The following CGNL1 variants were observed in gnomAD, a reference collection of about 807,000 sequenced individuals.
CGNL1 encodes cingulin-like protein 1.
A neutral mutation model predicts 141.2 loss-of-function variants in CGNL1; 132 were observed. The observed-to-expected ratio is 0.93, with a 90% CI of 0.81 to 1.08. The LOEUF is 1.08. Among genes scored for constraint, CGNL1 ranks in the 50% least tolerant of loss-of-function variants. The probability of loss-of-function intolerance (pLI) is 0.00; values close to 1 mark genes in which losing one functional copy is unlikely to be tolerated. For missense variants in CGNL1, 1,870 were observed against 1,588.6 expected (o/e 1.18, Z -3.01); for synonymous variants, 690 against 622.1 (o/e 1.11, Z -1.63).
rs755408452 is a variant in CGNL1 at position 57,453,818 on chromosome 15, G to C, written c.2190G>C (p.Glu730Asp). 1.1e-4 allele frequency: 185 copies of C among 1,613,034 alleles called. 2 individuals are homozygous for C. Among genetic ancestry groups the C allele is most frequent in the Middle Eastern group, 1.7e-4 (1 of 5,750 alleles). The change falls in exon 7 of 19, where the codon GAG becomes GAC. Residue 730 changes from glutamate (E) to aspartate (D), a missense_variant and splice_region_variant. Glu to Asp is a conservative substitution (Grantham distance 45). Coordinates refer to ENST00000281282, the MANE Select transcript of CGNL1 (RefSeq NM_032866.5). ...SEDREKGALI[E>D]ELLQAKQDLQ... The stretch of plus-strand genomic sequence containing the variant: ...ACAGGGAGAAGGGAGCTCTGATTGA[G>C]GTAAGCAGGGCTGTGGGGTCAGGTG...
At chr15:57,531,625 G>A in intron 13 of CGNL1, 65 bp from the exon 14 acceptor site, 1 of 1,001,434 alleles carries the variant, frequency 1.0e-6, no homozygotes, top group Non-Finnish European at 1.6e-6. Context: ...CTCTGTGGGG[G>A]AGCCTTTGCT....
chr15:57,484,403 T>C (rs553255798), intron 8 of CGNL1, among the ~76,000 whole-genome samples: 9 of 152,228 alleles, frequency 5.9e-5, no homozygotes, highest in Non-Finnish European at 1.2e-4. Context: ...TGTTTATAGA[T>C]GTCTGCAGGG....
chr15:57,511,472 G>A (rs2030299930), intron 8 of CGNL1, among the ~76,000 whole-genome samples: 1 of 152,164 alleles, frequency 6.6e-6, no homozygotes, highest in South Asian at 2.1e-4. Context: ...CACACATATG[G>A]GATAAAATGA....
intron 8 of CGNL1, among the ~76,000 whole-genome samples, chr15:57,516,307 C>G (rs887927543): frequency 4.6e-5 from 7 of 152,028 alleles, no homozygotes; most frequent in African/African-American, 1.7e-4. Context: ...TGATCTTGGA[C>G]AAGTTACTTA....
chr15:57,469,107 G>A (rs951677037), intron 8 of CGNL1, among the ~76,000 whole-genome samples: 9 of 152,116 alleles, frequency 5.9e-5, no homozygotes, highest in African/African-American at 2.2e-4. Context: ...TGGTGGTGGT[G>A]TGACCTGAGG....
Position 57,452,173 on chromosome 15 carries a change from G to C in CGNL1, c.1938G>C (p.Arg646Ser). 4 of 1,613,616 alleles carry C rather than the reference G, an allele frequency of 2.5e-6. No individual in the cohort carries two copies. Among genetic ancestry groups the C allele is most frequent in the Non-Finnish European group, 3.4e-6 (4 of 1,179,808 alleles). The change falls in exon 6 of 19, where the codon AGG (arginine) becomes AGC (serine). Residue 646 changes from arginine to serine, a missense_variant. Transcript: ENST00000281282. Reference sequence around the variant, plus strand: ...AGAACATTAAAGAAGAGAGAGAGAGGATGAGAGCAAACCTAGAAGAGCTCC... The same window carrying C: ...AGAACATTAAAGAAGAGAGAGAGAGCATGAGAGCAAACCTAGAAGAGCTCC... ...NQQNIKEERE[R>S]MRANLEELRS...
At chr15:57,389,329 C>A (rs1321077183) in intron 1 of CGNL1, among the ~76,000 whole-genome samples, 1 of 152,160 alleles carries the variant, frequency 6.6e-6, no homozygotes, top group African/African-American at 2.4e-5. Context: ...CCTGTAGTTT[C>A]CAACTGTCTT....
chr15:57,468,241 T>C (rs1235935579), intron 8 of CGNL1, among the ~76,000 whole-genome samples: 255 of 94,436 alleles, frequency 2.7e-3, no homozygotes, highest in South Asian at 0.019. Context: ...TTTCTTTTTT[T>C]TTTTTTTTTT....
intron 1 of CGNL1, among the ~76,000 whole-genome samples, chr15:57,431,515 A>G (rs2152296509): frequency 6.6e-6 from 1 of 152,254 alleles, no homozygotes; most frequent in South Asian, 2.1e-4. Context: ...CTGATCTTTC[A>G]ATTTCATCTG....
chr15:57,523,794 A>G (rs1282828839), intron 11 of CGNL1, among the ~76,000 whole-genome samples, 153 bp downstream of exon 11: 1 of 152,200 alleles, frequency 6.6e-6, no homozygotes, highest in Non-Finnish European at 1.5e-5. Flanking sequence ...AGCTCTTTGG[A>G]TTTGTTGAAA....
At chr15:57,456,614 T>G (rs1441565593) in intron 7 of CGNL1, among the ~76,000 whole-genome samples, 1 of 151,968 alleles carries the variant, frequency 6.6e-6, no homozygotes, top group African/African-American at 2.4e-5. Context: ...CTTAGTTAAA[T>G]AGATGATTCT....
intron 1 of CGNL1, among the ~76,000 whole-genome samples, chr15:57,418,753 G>A (rs780706060): frequency 1.7e-4 from 26 of 152,274 alleles, no homozygotes; most frequent in Non-Finnish European, 2.9e-4. Context: ...GTTCTTCCTG[G>A]CAGAAGAAGA....
intron 8 of CGNL1, among the ~76,000 whole-genome samples, chr15:57,507,094 T>C (rs550716467): frequency 6.6e-6 from 1 of 152,312 alleles, no homozygotes; most frequent in Admixed American, 6.5e-5. Context: ...CTTTCCCTCA[T>C]CCTTTGTCAA....
chr15:57,468,509 G>A (rs1165966249), intron 8 of CGNL1, among the ~76,000 whole-genome samples: 1 of 151,398 alleles, frequency 6.6e-6, no homozygotes, highest in Non-Finnish European at 1.5e-5. Flanking sequence ...TGGGGTTATA[G>A]GTGTGACCCA....
intron 1 of CGNL1, among the ~76,000 whole-genome samples, chr15:57,429,169 A>T (rs1351347318): frequency 2.6e-5 from 4 of 152,200 alleles, no homozygotes; most frequent in Non-Finnish European, 5.9e-5. Flanking sequence ...ACCTGAGCAT[A>T]AGGTATGCCC....
intron 1 of CGNL1, among the ~76,000 whole-genome samples, chr15:57,389,845 C>A (rs1261726331): frequency 6.6e-6 from 1 of 151,800 alleles, no homozygotes; most frequent in Admixed American, 6.6e-5. Flanking sequence ...GATGGAGTCT[C>A]ACTCTGTTGC....
intron 7 of CGNL1, 124 bp downstream of exon 7, chr15:57,453,942 T>A: frequency 9.1e-7 from 1 of 1,102,748 alleles, no homozygotes; most frequent in Non-Finnish European, 1.3e-6. Flanking sequence ...TGTGCTCTTA[T>A]GATCTGTGAG....
chr15:57,498,070 C>G (rs2063967594), intron 8 of CGNL1, among the ~76,000 whole-genome samples: 1 of 152,240 alleles, frequency 6.6e-6, no homozygotes, highest in African/African-American at 2.4e-5. Context: ...TCCCTTCCCT[C>G]TGTGTGTGGC....
rs572843863 is a variant in CGNL1 at position 57,438,453 on chromosome 15, T to C, written c.454T>C (p.Leu152=). 9.3e-6 allele frequency: 15 copies of C among 1,614,162 alleles called. No individual in the cohort carries two copies. The African/African-American group carries it at 1.5e-4, about 16-fold the overall frequency. Residue 152 remains leucine (L), a synonymous_variant, in exon 2 of 19, where the codon TTG becomes CTG. Coordinates refer to ENST00000281282, the MANE Select transcript of CGNL1 (RefSeq NM_032866.5). ...GAACTTTCAGAGGCATCCAGAGCTT[T>C]TGCAACCCTATGACCCTGAAAAGAA... ...LLNFQRHPEL[L]QPYDPEKNEL...
Sources: gnomAD v4.1 joint callset for allele counts (sites outside exome capture counted in the v4.1 genomes callset) on GRCh38, gnomAD v4.1.1 for gene constraint, MANE v1.5 for transcripts, NCBI Gene and HGNC (gene_info 2026-07-23, HGNC 2026-07-21) for gene names.